Variants in ENTREP2 observed in about 807,000 individuals in gnomAD.
ENTREP2 encodes protein ENTREP2.
the ENTREP2 span, among the ~76,000 whole-genome samples, chr15:29,626,316 A>T: frequency 6.6e-6 from 1 of 152,168 alleles, no homozygotes; most frequent in Non-Finnish European, 1.5e-5. Context: ...AGTGGAGACA[A>T]TTGAATCATG....
the ENTREP2 span, among the ~76,000 whole-genome samples, chr15:29,177,007 T>G: frequency 7.9e-5 from 12 of 152,300 alleles, no homozygotes; most frequent in East Asian, 2.3e-3. Context: ...CCTGCAGCTC[T>G]GATACTGCAG....
At chr15:29,209,654 A>G in the ENTREP2 span, among the ~76,000 whole-genome samples, 1 of 152,114 alleles carries the variant, frequency 6.6e-6, no homozygotes, top group African/African-American at 2.4e-5. Flanking sequence ...TGGAAGCAAA[A>G]GAGAAAGTTG....
chr15:29,235,721 T>C, the ENTREP2 span, among the ~76,000 whole-genome samples: 1 of 152,258 alleles, frequency 6.6e-6, no homozygotes. Flanking sequence ...AACCCAGCAC[T>C]TTGGGAGGCC....
At chr15:29,672,620 A>G in the ENTREP2 span, among the ~76,000 whole-genome samples, 1 of 152,130 alleles carries the variant, frequency 6.6e-6, no homozygotes, top group African/African-American at 2.4e-5. Flanking sequence ...CTGCCTAGAC[A>G]GAGCCGATTT....
At chr15:29,217,612 G>GT in the ENTREP2 span, among the ~76,000 whole-genome samples, 1 of 152,018 alleles carries the variant, frequency 6.6e-6, no homozygotes, top group Admixed American at 6.6e-5. Context: ...ATTTTTTATT[G>GT]TTTTTTCCTT....
the ENTREP2 span, among the ~76,000 whole-genome samples, chr15:29,279,566 T>C: frequency 6.6e-6 from 1 of 152,058 alleles, no homozygotes; most frequent in African/African-American, 2.4e-5. Context: ...GGTTTCACCA[T>C]GTTGGCCAGG....
the ENTREP2 span, among the ~76,000 whole-genome samples, chr15:29,367,047 G>A: frequency 6.6e-6 from 1 of 152,178 alleles, no homozygotes; most frequent in Non-Finnish European, 1.5e-5. Context: ...AAAAATAACT[G>A]AATGAAATGG....
chr15:29,651,177 T>C, the ENTREP2 span, among the ~76,000 whole-genome samples: 1 of 152,222 alleles, frequency 6.6e-6, no homozygotes, highest in African/African-American at 2.4e-5. Context: ...TGGTAAGTTT[T>C]ACCACTCGTA....
the ENTREP2 span, among the ~76,000 whole-genome samples, chr15:29,279,404 C>CG: frequency 6.6e-6 from 1 of 150,646 alleles, no homozygotes; most frequent in South Asian, 2.1e-4. Context: ...CTGGCTGTGT[C>CG]ACCAGGCTGG....
the ENTREP2 span, among the ~76,000 whole-genome samples, chr15:29,622,724 G>A: frequency 8.5e-5 from 13 of 152,266 alleles, no homozygotes; most frequent in African/African-American, 3.1e-4. Context: ...CTGTGAAAAG[G>A]AAAATGGAAG....
At chr15:29,473,205 C>A in the ENTREP2 span, among the ~76,000 whole-genome samples, 3 of 152,158 alleles carry the variant, frequency 2.0e-5, no homozygotes, top group South Asian at 4.1e-4. Flanking sequence ...TTTCTTGCAG[C>A]CACACCATAC....
chr15:29,298,697 T>C, the ENTREP2 span, among the ~76,000 whole-genome samples: 1 of 152,182 alleles, frequency 6.6e-6, no homozygotes, highest in African/African-American at 2.4e-5. Context: ...ATTGTAACTA[T>C]TAAAGAAACT....
the ENTREP2 span, among the ~76,000 whole-genome samples, chr15:29,452,325 C>G: frequency 6.6e-6 from 1 of 152,136 alleles, no homozygotes; most frequent in Admixed American, 6.5e-5. Context: ...CCTGAGAGAG[C>G]AGGGATTTGG....
the ENTREP2 span, among the ~76,000 whole-genome samples, chr15:29,504,578 A>C: frequency 1.3e-5 from 2 of 152,212 alleles, no homozygotes; most frequent in African/African-American, 4.8e-5. Flanking sequence ...GAAGAACTGA[A>C]GCGTGTGTTT....
the ENTREP2 span, chr15:29,376,632 A>C: frequency 6.6e-6 from 1 of 152,384 alleles, no homozygotes; most frequent in Non-Finnish European, 1.5e-5. Context: ...CAGCCTACAA[A>C]GGGAGGCCTC....
chr15:29,555,255 C>T, the ENTREP2 span, among the ~76,000 whole-genome samples: 9 of 152,122 alleles, frequency 5.9e-5, no homozygotes, highest in African/African-American at 2.2e-4. Flanking sequence ...TCCGTAGCAC[C>T]TGAATTTTCT....
At chr15:29,567,759 C>T in the ENTREP2 span, among the ~76,000 whole-genome samples, 1 of 152,200 alleles carries the variant, frequency 6.6e-6, no homozygotes, top group Non-Finnish European at 1.5e-5. Context: ...CATGGGCTGT[C>T]TGTCTTAGCT....
At chr15:29,146,112 A>C in the ENTREP2 span, among the ~76,000 whole-genome samples, 1 of 152,214 alleles carries the variant, frequency 6.6e-6, no homozygotes, top group South Asian at 2.1e-4. Context: ...AAAAAGCAAA[A>C]CTTGCACACT....
At chr15:29,220,126 T>C in the ENTREP2 span, among the ~76,000 whole-genome samples, 1 of 152,216 alleles carries the variant, frequency 6.6e-6, no homozygotes, top group African/African-American at 2.4e-5. Context: ...GCCACCTGCC[T>C]GATTTCTAGG....
Sources: allele counts gnomAD v4.1 joint callset (sites outside exome capture counted in the v4.1 genomes callset), GRCh38; gene constraint gnomAD v4.1.1; transcripts MANE v1.5; gene names NCBI Gene and HGNC (gene_info 2026-07-23, HGNC 2026-07-21).